SYCP2: variants seen among roughly 807,000 people sequenced by gnomAD.
The protein encoded by SYCP2 is synaptonemal complex protein 2, also known as synaptonemal complex lateral element protein.
In SYCP2, 55 loss-of-function variants were observed where a neutral mutation model predicts 211.3. That is an observed-to-expected ratio of 0.26 (90% confidence interval 0.21 to 0.33). The LOEUF (loss-of-function observed/expected upper bound fraction) is 0.33, where lower values mean the gene tolerates loss of function less well. Ranked by LOEUF, SYCP2 falls within the 10% of genes least tolerant of loss-of-function variation. SYCP2 has a pLI of 1.00. For missense variants in SYCP2, 1,731 were observed against 1,752.0 expected (o/e 0.99, Z 0.21); for synonymous variants, 570 against 555.2 (o/e 1.03, Z -0.37).
chr20:59,902,794 T>C (rs191849563), intron 15 of SYCP2, among the ~76,000 whole-genome samples: 23 of 152,288 alleles, frequency 1.5e-4, no homozygotes, highest in African/African-American at 3.4e-4. Flanking sequence ...GTGGTAACCA[T>C]AGTTTCAAAC....
chr20:59,883,117 G>A (rs1281807027), intron 26 of SYCP2, among the ~76,000 whole-genome samples: 1 of 152,282 alleles, frequency 6.6e-6, no homozygotes, highest in Middle Eastern at 3.4e-3. Context: ...GGGAGGCCAA[G>A]GTGGGTGGGT....
At chr20:59,875,984 A>C (rs2059546361) in intron 33 of SYCP2, among the ~76,000 whole-genome samples, 1 of 152,048 alleles carries the variant, frequency 6.6e-6, no homozygotes, top group Non-Finnish European at 1.5e-5. Context: ...AATATCTGAC[A>C]ATAGAGATAT....
At chr20:59,928,962 CTGTT>C (rs1395109716) in intron 2 of SYCP2, among the ~76,000 whole-genome samples, 1 of 151,960 alleles carries the variant, frequency 6.6e-6, no homozygotes, top group Non-Finnish European at 1.5e-5. Flanking sequence ...TTGTGCATCA[CTGTT>C]TGTAAAAGAG....
At chr20:59,865,471 C>T in intron 43 of SYCP2, 27 bp from the exon 44 acceptor site, 1 of 1,594,830 alleles carries the variant, frequency 6.3e-7, no homozygotes, top group Non-Finnish European at 8.6e-7. Context: ...ATATTTCACC[C>T]ATGAAATTTA....
chr20:59,920,890 T>C (rs1225373937), intron 4 of SYCP2, among the ~76,000 whole-genome samples: 2 of 151,648 alleles, frequency 1.3e-5, no homozygotes, highest in African/African-American at 4.8e-5. Flanking sequence ...TGTATGAAAA[T>C]GCCTTAAATA....
At chr20:59,919,631 T>C (rs776764341) in intron 5 of SYCP2, 34 bp from the exon 6 acceptor site, 2 of 1,307,916 alleles carry the variant, frequency 1.5e-6, no homozygotes, top group Admixed American at 3.9e-5. Flanking sequence ...AGAGTTCCAT[T>C]TTAATAATTT....
At chr20:59,893,630 A>C in intron 20 of SYCP2, 37 bp from the exon 21 acceptor site, 1 of 1,487,340 alleles carries the variant, frequency 6.7e-7, no homozygotes, top group Non-Finnish European at 9.3e-7. Context: ...TAAACTTAAG[A>C]TGTTATATGA....
rs981188527 is a variant in SYCP2, at chr20:59,932,121, AAC to A, written c.-108_-107del. On this transcript the variant is annotated 5_prime_UTR_variant, in exon 2 of 45. Coordinates refer to ENST00000357552, the MANE Select transcript of SYCP2 (RefSeq NM_014258.4). Reference sequence around the variant, plus strand: ...TGAACTGGGGGACTGGTTAGCGAGCAACACAGAGAACTAGTAAGATGATGATT... The same window carrying A: ...TGAACTGGGGGACTGGTTAGCGAGCAACAGAGAACTAGTAAGATGATGATT... 1 of 152,182 alleles carries A rather than the reference AAC, an allele frequency of 6.6e-6. No homozygotes were observed. The highest frequency in any genetic ancestry group is 2.4e-5 in the African/African-American group (1 of 41,444). The allele number at this position is 152,182 out of a possible 1,614,324, so 9.4% of individuals were successfully genotyped here.
intron 12 of SYCP2, 110 bp from the exon 13 acceptor site, chr20:59,912,528 A>G (rs1173647623): frequency 4.5e-6 from 2 of 446,678 alleles, no homozygotes; most frequent in Non-Finnish European, 8.1e-6. Context: ...AGTGGTCATA[A>G]TAATTGAAAT....
In SYCP2 at chr20:59,877,539, A is replaced by G. The variant is rs147607148; in HGVS notation, c.2996T>C (p.Ile999Thr). The change falls in exon 33 of 45, where the codon ATC becomes ACC. Residue 999 changes from isoleucine (I) to threonine (T), a missense_variant. Physicochemically the swap from Ile to Thr is moderately conservative, Grantham distance 89. Around this residue, in one of 3 missense-constraint regions of SYCP2, gnomAD observed 1,387 missense variants for 1,351.3 expected, o/e 1.03. Coordinates refer to ENST00000357552, the MANE Select transcript of SYCP2 (RefSeq NM_014258.4). Reference sequence around the variant, plus strand: ...AATTGTCTTGTCCATCTTTTTTGTGATATTTTTACTGGGTGTCTTTAGGAG... The same window carrying G: ...AATTGTCTTGTCCATCTTTTTTGTGGTATTTTTACTGGGTGTCTTTAGGAG... ...PSSKMTPSKN[I>T]TKKMDKTIPE... The G allele has an allele frequency of 3.8e-4, 606 of 1,591,294 alleles. No individual in the cohort carries two copies. Among genetic ancestry groups the G allele is most frequent in the Non-Finnish European group, 4.7e-4 (551 of 1,174,612 alleles).
intron 20 of SYCP2, among the ~76,000 whole-genome samples, chr20:59,893,923 C>G (rs542548023): frequency 6.6e-6 from 1 of 151,980 alleles, no homozygotes; most frequent in Non-Finnish European, 1.5e-5. Context: ...GATTACATAG[C>G]CTGCTTTATC....
At chr20:59,932,914 CGCA>C (rs1414508051) in intron 1 of SYCP2, among the ~76,000 whole-genome samples, 2 of 152,100 alleles carry the variant, frequency 1.3e-5, no homozygotes, top group Non-Finnish European at 2.9e-5. Flanking sequence ...AGGTTTTGCG[CGCA>C]CTCCCTTCTT....
intron 20 of SYCP2, among the ~76,000 whole-genome samples, chr20:59,895,208 G>A (rs1327368580): frequency 6.6e-6 from 1 of 152,040 alleles, no homozygotes; most frequent in Non-Finnish European, 1.5e-5. Flanking sequence ...GCTCCCAAAT[G>A]TGTAAATCAA....
Position 59,880,481 on chromosome 20 carries a change from A to C in SYCP2, c.2773-10T>G, listed in dbSNP as rs1379360508. The C allele has an allele frequency of 2.0e-6, 3 of 1,510,696 alleles. No individual in the cohort carries two copies. The highest frequency in any genetic ancestry group is 2.7e-6 in the Non-Finnish European group (3 of 1,119,422). The allele number at this position is 1,510,696 out of a possible 1,614,324, so 93.6% of individuals were successfully genotyped here. A position where few individuals can be genotyped will look rare whatever the true frequency, so the allele number is the denominator to read the frequency against. On this transcript the variant is annotated splice_polypyrimidine_tract_variant and intron_variant, in intron 30 of 44. Coordinates refer to ENST00000357552, the MANE Select transcript of SYCP2 (RefSeq NM_014258.4). Reference sequence around the variant, plus strand: ...GATGATTTGTTATAATCTATAAAAAAAAGTTTGAAATGCATGAAGAAATAC... The same window carrying C: ...GATGATTTGTTATAATCTATAAAAACAAGTTTGAAATGCATGAAGAAATAC...
In SYCP2 at chr20:59,873,942, C is replaced by A. The variant is rs749257208; in HGVS notation, c.3469G>T (p.Gly1157Cys). The change falls in exon 35 of 45, where the codon GGT (glycine) becomes TGT (cysteine). Residue 1157 changes from glycine to cysteine, a missense_variant. Around this residue, in one of 3 missense-constraint regions of SYCP2, gnomAD observed 1,387 missense variants for 1,351.3 expected, o/e 1.03. Coordinates refer to ENST00000357552, the MANE Select transcript of SYCP2 (RefSeq NM_014258.4). ...TTGTTTTTGGGTGACTTTATTGTAC[C>A]TCCAACTCCACTGTTACTATTTAAG... ...ESLNSNSGVG[G>C]TIKSPKNNEK... is the part of the protein sequence containing the mutation. 6.2e-7 allele frequency: 1 copy of A among 1,613,184 alleles called. No homozygotes were observed. Among genetic ancestry groups the A allele is most frequent in the South Asian group, 1.1e-5 (1 of 90,970 alleles).
intron 38 of SYCP2, 48 bp downstream of exon 38, chr20:59,868,365 C>T (rs761389579): frequency 6.4e-7 from 1 of 1,570,840 alleles, no homozygotes; most frequent in South Asian, 1.2e-5. Context: ...AATATAAGAA[C>T]CACCCTCCAA....
intron 36 of SYCP2, among the ~76,000 whole-genome samples, 161 bp from the exon 37 acceptor site, chr20:59,869,086 T>C (rs1327659756): frequency 6.6e-6 from 1 of 151,810 alleles, no homozygotes; most frequent in Non-Finnish European, 1.5e-5. Flanking sequence ...TTACCATGTG[T>C]TAACCTTGAT....
rs773412963 is a variant in SYCP2, at chr20:59,865,847, A to G, written c.4339T>C (p.Phe1447Leu). The G allele has an allele frequency of 1.3e-5, 18 of 1,429,514 alleles. No homozygotes were observed. The highest frequency in any genetic ancestry group is 2.5e-5 in the East Asian group (1 of 39,932). 88.6% of individuals were successfully genotyped at this position (1,429,514 alleles called of 1,614,324 possible). A position where few individuals can be genotyped will look rare whatever the true frequency, so the allele number is the denominator to read the frequency against. ...KEFVDFWEKI[F>L]QKFSAYQKSE... ...TTTTGATATGCACTGAACTTCTGAA[A>G]TATCTTTTCCCAAAAGTCCTAAATT... is the stretch of plus-strand genomic sequence containing the variant. Residue 1447 changes from phenylalanine to leucine, a missense_variant, in exon 42 of 45, where the codon TTT becomes CTT. This residue lies in a region of SYCP2 where 1,387 missense variants were observed against 1,351.3 expected (regional missense o/e 1.03). Transcript: ENST00000357552.
intron 7 of SYCP2, among the ~76,000 whole-genome samples, chr20:59,917,503 A>G (rs2060465018): frequency 6.6e-6 from 1 of 152,204 alleles, no homozygotes; most frequent in Non-Finnish European, 1.5e-5. Flanking sequence ...TTACTTTAAA[A>G]ATCAGGTGGA....
Sources: allele counts gnomAD v4.1 joint callset (sites outside exome capture counted in the v4.1 genomes callset), GRCh38; gene constraint gnomAD v4.1.1; regional missense constraint gnomAD v4.1.1; transcripts MANE v1.5; gene names NCBI Gene and HGNC (gene_info 2026-07-23, HGNC 2026-07-21).